Variants in EIF1AY observed in about 807,000 individuals in gnomAD.
EIF1AY encodes eukaryotic translation initiation factor 1A, Y-chromosomal.
For missense variants in EIF1AY, 19 were observed against 30.6 expected, an observed-to-expected ratio of 0.62 and a Z score of 0.89; for synonymous variants, 16 against 9.9, an observed-to-expected ratio of 1.62 and a Z score of -1.16.
At chrY:20,589,612 T>C (rs1385916644) in intron 6 of EIF1AY, 37 bp downstream of exon 6, 3 of 362,906 alleles carry the variant, frequency 8.3e-6, no homozygotes, top group Non-Finnish European at 1.2e-5. Flanking sequence ...TTGTTTTATC[T>C]ATGCATTATC....
chrY:20,575,779 C>A lies in EIF1AY; in HGVS notation c.-93C>A. 1 of 290,826 alleles carries A rather than the reference C, an allele frequency of 3.4e-6. No individual in the cohort carries two copies. The highest frequency in any genetic ancestry group is 5.2e-6 in the Non-Finnish European group (1 of 191,859). 72.5% of individuals were successfully genotyped at this position (290,826 alleles called of 400,897 possible). On this transcript the variant is annotated 5_prime_UTR_variant, in exon 1 of 7. Coordinates refer to ENST00000361365, the MANE Select transcript of EIF1AY (RefSeq NM_004681.4). Reference sequence around the variant, plus strand: ...AGCTCTGTAGCCAGCCTCTTCTGCGCACCCACCTGCTGCATCTTAGTTCAG... The same window carrying A: ...AGCTCTGTAGCCAGCCTCTTCTGCGAACCCACCTGCTGCATCTTAGTTCAG...
At chrY:20,576,994 AG>A (rs2089347204) in intron 1 of EIF1AY, among the ~76,000 whole-genome samples, 1 of 34,060 alleles carries the variant, frequency 2.9e-5, no homozygotes, top group Non-Finnish European at 7.3e-5. Context: ...AAGTCTAATT[AG>A]AAAGAGTTAG....
intron 3 of EIF1AY, among the ~76,000 whole-genome samples, 162 bp from the exon 4 acceptor site, chrY:20,584,312 G>A (rs896903690): frequency 3.2e-5 from 1 of 31,662 alleles, no homozygotes; most frequent in Non-Finnish European, 7.6e-5. Flanking sequence ...TTAGCCTCCC[G>A]GAGTGCTGTG....
At chrY:20,584,164 C>T in intron 3 of EIF1AY, among the ~76,000 whole-genome samples, 7 of 31,799 alleles carry the variant, frequency 2.2e-4, no homozygotes, top group Non-Finnish European at 3.8e-4. Context: ...GCAGTCCTCC[C>T]GCCTCAGCCT....
intron 4 of EIF1AY, among the ~76,000 whole-genome samples, chrY:20,585,626 A>G: frequency 1.5e-4 from 5 of 33,470 alleles, no homozygotes; most frequent in African/African-American, 4.7e-4. Flanking sequence ...AAGTTACTTT[A>G]CTTTTCATCT....
At chrY:20,589,289 A>G in intron 5 of EIF1AY, 195 bp from the exon 6 acceptor site, 1 of 115,972 alleles carries the variant, frequency 8.6e-6, no homozygotes, top group Non-Finnish European at 1.7e-5. Context: ...CACCCTCTGC[A>G]CCCTCTGAGA....
At chrY:20,582,119 G>C (rs2089351133) in intron 2 of EIF1AY, among the ~76,000 whole-genome samples, 1 of 33,880 alleles carries the variant, frequency 3.0e-5, no homozygotes, top group Non-Finnish European at 7.4e-5. Flanking sequence ...CAAGCTTTTT[G>C]CTATTTGTTT....
chrY:20,584,488 A>C lies in EIF1AY; in HGVS notation c.219A>C (p.Thr73=). 2 of 337,160 alleles carry C rather than the reference A, an allele frequency of 5.9e-6. No individual in the cohort carries two copies. Among genetic ancestry groups the C allele is most frequent in the Non-Finnish European group, 8.4e-6 (2 of 238,593 alleles). 84.1% of individuals were successfully genotyped at this position (337,160 alleles called of 400,897 possible). Residue 73 remains threonine (T), a synonymous_variant, in exon 4 of 7, where the codon ACA becomes ACC. Transcript: ENST00000361365. ...ATTTCTTACAGGTTTGGATAAATACATCAGACATTATATTGGTTGGTCTAC... is the reference window on the plus strand; with the variant it reads ...ATTTCTTACAGGTTTGGATAAATACCTCAGACATTATATTGGTTGGTCTAC... The part of the protein sequence containing the change: ...GKLRKKVWIN[T]SDIILVGLRD...
intron 2 of EIF1AY, 127 bp downstream of exon 2, chrY:20,579,818 C>A: frequency 8.0e-6 from 1 of 124,558 alleles, no homozygotes; most frequent in Non-Finnish European, 1.5e-5. Context: ...GTTTCCATTT[C>A]TCTTTTCCTC....
At position 20,579,677 on chromosome Y, in the gene EIF1AY, A is replaced by G; in HGVS notation, c.86A>G (p.Lys29Arg). Residue 29 changes from lysine to arginine, a missense_variant, in exon 2 of 7, where the codon AAA (lysine) becomes AGA (arginine). Physicochemically the swap from Lys to Arg is conservative, Grantham distance 26. Transcript: ENST00000361365. ...TCTGAAAAAAGAGAGTTGGTGTTTAAAGAGGATGGACAAGGTAAGACTTTT... is the reference window on the plus strand; with the variant it reads ...TCTGAAAAAAGAGAGTTGGTGTTTAGAGAGGATGGACAAGGTAAGACTTTT... ...NESEKRELVF[K>R]EDGQEYAQVI... 2.7e-6 allele frequency: 1 copy of G among 375,451 alleles called. No individual in the cohort carries two copies. The highest frequency in any genetic ancestry group is 3.3e-5 in the South Asian group (1 of 30,591). The allele number at this position is 375,451 out of a possible 400,897, so 93.7% of individuals were successfully genotyped here.
intron 1 of EIF1AY, among the ~76,000 whole-genome samples, chrY:20,577,830 C>CAA (rs763648696): frequency 3.2e-3 from 7 of 2,197 alleles, no homozygotes; most frequent in African/African-American, 0.011. Context: ...GACTACGTCT[C>CAA]AAAAAAAAAA....
At chrY:20,586,091 A>T in intron 4 of EIF1AY, among the ~76,000 whole-genome samples, 2 of 32,822 alleles carry the variant, frequency 6.1e-5, no homozygotes, top group Non-Finnish European at 1.5e-4. Context: ...CAATGTTGGT[A>T]AACTGACACC....
At chrY:20,580,019 A>T in intron 2 of EIF1AY, among the ~76,000 whole-genome samples, 2 of 29,989 alleles carry the variant, frequency 6.7e-5, no homozygotes, top group Non-Finnish European at 1.6e-4. Context: ...GGATTGCTTG[A>T]AGCTACGAGT....
Position 20,584,303 on chromosome Y carries a change from T to C in EIF1AY, c.205-171T>C, listed in dbSNP as rs772852942. ...CTGTGCTCAGGTCATCCCTGTGGCT[T>C]AGCCTCCCGGAGTGCTGTGATTATA... On this transcript the variant is annotated intron_variant, in intron 3 of 6. Coordinates refer to ENST00000361365, the MANE Select transcript of EIF1AY (RefSeq NM_004681.4). Among the ~76,000 whole-genome samples the C allele has an allele frequency of 2.5e-4, 8 of 32,161 alleles. No homozygotes were observed. The East Asian group carries it at 6.5e-3, about 26-fold the overall frequency. 86.3% of individuals were successfully genotyped at this position (32,161 alleles called of 37,273 possible).
At position 20,589,977 on chromosome Y, in the gene EIF1AY, C is replaced by T. The variant is rs13447357; in HGVS notation, c.429+402C>T. ...ATTGTTTTTCCTAGTAACAAAGCAG[C>T]GCAGTTCACAAAGCAGTAAATGCTT... is the stretch of plus-strand genomic sequence containing the variant. On this transcript the variant is annotated intron_variant, in intron 6 of 6. Coordinates refer to ENST00000361365, the MANE Select transcript of EIF1AY (RefSeq NM_004681.4). Among the ~76,000 whole-genome samples the T allele has an allele frequency of 7.1e-3, 233 of 32,614 alleles. No homozygotes were observed. In the Middle Eastern group the frequency reaches 0.23, roughly 32 times the overall value. 87.5% of individuals were successfully genotyped at this position (32,614 alleles called of 37,273 possible). A position where few individuals can be genotyped will look rare whatever the true frequency, so the allele number is the denominator to read the frequency against.
chrY:20,583,859 GTC>G (rs2089352717), intron 3 of EIF1AY, among the ~76,000 whole-genome samples: 3 of 33,002 alleles, frequency 9.1e-5, no homozygotes, highest in Non-Finnish European at 2.2e-4. Flanking sequence ...ACAATTATAT[GTC>G]TCTCAATTTC....
intron 6 of EIF1AY, among the ~76,000 whole-genome samples, chrY:20,590,626 T>C (rs2089358343): frequency 4.0e-5 from 1 of 25,086 alleles, no homozygotes; most frequent in African/African-American, 1.6e-4. Context: ...AGAGCGAGAC[T>C]CCATCTCAAA....
intron 2 of EIF1AY, among the ~76,000 whole-genome samples, chrY:20,581,341 G>GT (rs2089350555): frequency 6.3e-5 from 2 of 31,850 alleles, no homozygotes; most frequent in African/African-American, 1.2e-4. Flanking sequence ...TTTTTTGTTT[G>GT]TTTTTTTTGA....
intron 4 of EIF1AY, among the ~76,000 whole-genome samples, chrY:20,584,844 C>T (rs2089353602): frequency 3.0e-5 from 1 of 33,416 alleles, no homozygotes; most frequent in Admixed American, 2.7e-4. Context: ...ACCATCTGTC[C>T]TCATCCATTT....
Sources: gnomAD v4.1 joint callset for allele counts (sites outside exome capture counted in the v4.1 genomes callset) on GRCh38, gnomAD v4.1.1 for gene constraint, MANE v1.5 for transcripts, NCBI Gene and HGNC (gene_info 2026-07-23, HGNC 2026-07-21) for gene names.